Variants in PRICKLE2 observed in about 807,000 individuals in gnomAD.
The protein encoded by PRICKLE2 is prickle-like protein 2.
PRICKLE2 carries 21 observed loss-of-function variants against 81.4 expected under a neutral mutation model. That is an observed-to-expected ratio of 0.26 (90% confidence interval 0.18 to 0.37). The LOEUF (loss-of-function observed/expected upper bound fraction) is 0.37, where lower values mean the gene tolerates loss of function less well. Ranked by LOEUF, PRICKLE2 falls within the 10% of genes least tolerant of loss-of-function variation. The pLI is 1.00. For missense variants in PRICKLE2, 940 were observed against 1,109.0 expected (o/e 0.85, Z 2.16); for synonymous variants, 456 against 421.5 (o/e 1.08, Z -1.00).
At chr3:64,126,899 A>G (rs2077116498) in intron 7 of PRICKLE2, among the ~76,000 whole-genome samples, 1 of 152,126 alleles carries the variant, frequency 6.6e-6, no homozygotes. Context: ...TCTTAACCTC[A>G]CTAAGCCTCT....
chr3:64,162,991 G>A (rs771112082), intron 3 of PRICKLE2, 25 bp downstream of exon 3: 4 of 1,431,704 alleles, frequency 2.8e-6, no homozygotes, highest in South Asian at 2.3e-5. Flanking sequence ...AGAAAATTCT[G>A]CATAAGCCCC....
chr3:64,100,021 C>G, intron 7 of PRICKLE2, 96 bp from the exon 8 acceptor site: 1 of 1,402,986 alleles, frequency 7.1e-7, no homozygotes, highest in Non-Finnish European at 1.0e-6. Context: ...TCATTATATA[C>G]CGTTGTGAAG....
intron 2 of PRICKLE2, among the ~76,000 whole-genome samples, chr3:64,164,549 A>G (rs1474332284): frequency 6.6e-6 from 1 of 152,180 alleles, no homozygotes; most frequent in Non-Finnish European, 1.5e-5. Context: ...CTTTGTAATG[A>G]CAAGGCCTTA....
At chr3:64,181,726 A>G (rs966215054) in intron 2 of PRICKLE2, among the ~76,000 whole-genome samples, 4 of 152,212 alleles carry the variant, frequency 2.6e-5, no homozygotes, top group Non-Finnish European at 5.9e-5. Flanking sequence ...TGTGTGAAAA[A>G]TAACAGACAT....
intron 2 of PRICKLE2, among the ~76,000 whole-genome samples, chr3:64,183,579 G>A (rs138141285): frequency 3.9e-5 from 6 of 152,098 alleles, no homozygotes; most frequent in East Asian, 1.9e-4. Context: ...GCCTTCATTC[G>A]GCATTGATAG....
chr3:64,181,533 G>T (rs974428012), intron 2 of PRICKLE2, among the ~76,000 whole-genome samples: 3 of 152,042 alleles, frequency 2.0e-5, no homozygotes, highest in Admixed American at 6.6e-5. Flanking sequence ...CCTATAGCAT[G>T]CTTTCCCCTT....
chr3:64,202,461 T>C (rs918725980), intron 1 of PRICKLE2, among the ~76,000 whole-genome samples: 7 of 152,184 alleles, frequency 4.6e-5, no homozygotes, highest in Admixed American at 1.3e-4. Flanking sequence ...GCACAAGGCT[T>C]GCACTTCTTT....
chr3:64,113,995 T>C (rs904397790), intron 7 of PRICKLE2, among the ~76,000 whole-genome samples: 18 of 152,268 alleles, frequency 1.2e-4, no homozygotes, highest in African/African-American at 4.3e-4. Context: ...CTGCCACACC[T>C]TGGCACCTCC....
intron 1 of PRICKLE2, among the ~76,000 whole-genome samples, chr3:64,210,250 G>T (rs1213785202): frequency 6.6e-6 from 1 of 152,028 alleles, no homozygotes; most frequent in Non-Finnish European, 1.5e-5. Context: ...CCTGTTATTT[G>T]CAGTCTTACT....
At chr3:64,220,691 C>A (rs987337972) in intron 1 of PRICKLE2, among the ~76,000 whole-genome samples, 1 of 152,132 alleles carries the variant, frequency 6.6e-6, no homozygotes, top group African/African-American at 2.4e-5. Flanking sequence ...CTTTGTCAAA[C>A]GAGGCCAGCC....
In PRICKLE2 at chr3:64,133,547, GT is replaced by G. The variant is rs1559529263; in HGVS notation, c.1660+13282del. Among the ~76,000 whole-genome samples the G allele has an allele frequency of 2.6e-5, 4 of 152,136 alleles. No individual in the cohort carries two copies. In the South Asian group the frequency reaches 8.3e-4, roughly 32 times the overall value. On this transcript the variant is annotated intron_variant, in intron 7 of 7. Transcript: ENST00000638394. ...GAGAACAAATTAACTCCTCTAAGCTGTGGCAAATGGGAATTCTCTGTGAAGT... is the reference window on the plus strand; with the variant it reads ...GAGAACAAATTAACTCCTCTAAGCTGGGCAAATGGGAATTCTCTGTGAAGT...
chr3:64,213,799 T>C (rs370887834), intron 1 of PRICKLE2, among the ~76,000 whole-genome samples: 3 of 152,306 alleles, frequency 2.0e-5, no homozygotes, highest in South Asian at 2.1e-4. Flanking sequence ...AAGAAAATTA[T>C]TGTTATCCTT....
At chr3:64,186,826 C>T (rs1365822772) in intron 2 of PRICKLE2, among the ~76,000 whole-genome samples, 1 of 152,158 alleles carries the variant, frequency 6.6e-6, no homozygotes, top group African/African-American at 2.4e-5. Flanking sequence ...CTCAAAATAT[C>T]TCCTGCGTCA....
chr3:64,131,443 G>A (rs1656832661), intron 7 of PRICKLE2, among the ~76,000 whole-genome samples: 1 of 152,212 alleles, frequency 6.6e-6, no homozygotes, highest in Non-Finnish European at 1.5e-5. Flanking sequence ...ATCTGCCATG[G>A]CTAATACTGG....
At chr3:64,142,052 A>C in intron 7 of PRICKLE2, 4 of 552,270 alleles carry the variant, frequency 7.2e-6, no homozygotes, top group Non-Finnish European at 9.2e-6. Context: ...GGACAGCAGC[A>C]AAAACACCAA....
chr3:64,257,408 G>T (rs1020718307), intron 2 of PRICKLE2, among the ~76,000 whole-genome samples: 1 of 152,194 alleles, frequency 6.6e-6, no homozygotes, highest in African/African-American at 2.4e-5. Context: ...GACCAGTTCA[G>T]TGGAGGCCTG....
intron 2 of PRICKLE2, among the ~76,000 whole-genome samples, chr3:64,184,738 G>T (rs756990990): frequency 6.6e-6 from 1 of 152,116 alleles, no homozygotes; most frequent in Non-Finnish European, 1.5e-5. Flanking sequence ...CCTGTCTCAG[G>T]CTCCAAGTAG....
intron 1 of PRICKLE2, among the ~76,000 whole-genome samples, chr3:64,217,416 G>A (rs780946525): frequency 1.9e-4 from 29 of 152,160 alleles, no homozygotes; most frequent in Non-Finnish European, 4.1e-4. Flanking sequence ...TGGGCTTTTA[G>A]TATATCCATC....
At chr3:64,120,382 G>A (rs1208919318) in intron 7 of PRICKLE2, among the ~76,000 whole-genome samples, 1 of 152,130 alleles carries the variant, frequency 6.6e-6, no homozygotes, top group Non-Finnish European at 1.5e-5. Context: ...CGGAAATCTG[G>A]AAAGACAGCA....
Sources: gnomAD v4.1 joint callset for allele counts (sites outside exome capture counted in the v4.1 genomes callset) on GRCh38, gnomAD v4.1.1 for gene constraint, MANE v1.5 for transcripts, NCBI Gene and HGNC (gene_info 2026-07-23, HGNC 2026-07-21) for gene names.